Variants in MTSS2 observed in about 807,000 individuals in gnomAD.
The protein encoded by MTSS2 is protein MTSS 2.
Under a neutral mutation model 67.1 loss-of-function variants are expected in MTSS2, and 27 were observed. That is an observed-to-expected ratio of 0.40 (90% CI 0.30 to 0.55). MTSS2 has a LOEUF of 0.55. Among genes scored for constraint, MTSS2 ranks in the 20% least tolerant of loss-of-function variants. MTSS2 has a pLI of 0.43. For synonymous variants in MTSS2, 624 were observed against 468.6 expected, an observed-to-expected ratio of 1.33 and a Z score of -4.28; for missense variants, 1,171 against 1,067.8, an observed-to-expected ratio of 1.10 and a Z score of -1.35.
chr16:70,680,037 C>T lies in MTSS2; in HGVS notation c.224G>A (p.Gly75Asp). Residue 75 changes from glycine (G) to aspartate (D), a missense_variant, in exon 4 of 15, where the codon GGC (glycine) becomes GAC (aspartate). This residue lies in a region of MTSS2 where 247 missense variants were observed against 311.8 expected (regional missense o/e 0.79). Coordinates refer to ENST00000338779, the MANE Select transcript of MTSS2 (RefSeq NM_138383.3). Reference protein sequence around the residue: ...TNTRGATRDIGSALTRMCMRH... With the variant: ...TNTRGATRDIDSALTRMCMRH... ...CATGCACATGCGTGTGAGCGCCGAG[C>T]CGATGTCCCTCGTGGCCCCTGGCGA... 6.5e-7 allele frequency: 1 copy of T among 1,536,830 alleles called. No homozygotes were observed. Among genetic ancestry groups the T allele is most frequent in the Non-Finnish European group, 8.7e-7 (1 of 1,149,834 alleles).
intron 10 of MTSS2, 125 bp downstream of exon 10, chr16:70,676,756 G>A (rs180804236): frequency 2.5e-4 from 188 of 756,036 alleles, no homozygotes; most frequent in African/African-American, 4.3e-4. Context: ...CAAATTCCTC[G>A]GATGGTGTAA....
chr16:70,677,768 CCCTT>C lies in MTSS2; in HGVS notation c.732+20_732+23del. 1 of 1,582,766 alleles carries C rather than the reference CCCTT, an allele frequency of 6.3e-7. No homozygotes were observed. Among genetic ancestry groups the C allele is most frequent in the Non-Finnish European group, 8.6e-7 (1 of 1,161,966 alleles). On this transcript the variant is annotated intron_variant, in intron 9 of 14. Coordinates refer to ENST00000338779, the MANE Select transcript of MTSS2 (RefSeq NM_138383.3). The stretch of plus-strand genomic sequence containing the variant: ...ATCTCCTCCCTGCCCCTGGCCCTGG[CCCTT>C]GGCCAGAGGGCTCCCGCACCTGCTC...
chr16:70,676,302 G>A (rs1364951208), intron 10 of MTSS2, among the ~76,000 whole-genome samples: 1 of 152,264 alleles, frequency 6.6e-6, no homozygotes, highest in Admixed American at 6.5e-5. Flanking sequence ...CTCCCCAGCT[G>A]TGTGAGGCTC....
In MTSS2 at chr16:70,661,314, AGAG is replaced by A. The variant is rs2052456754; in HGVS notation, c.*2360_*2362del. ...GGATGGTGTGGAGGGGGCGGGGAGGAGAGGAGAATTTTTCCAAAATCTGACGGA... is the reference window on the plus strand; with the variant it reads ...GGATGGTGTGGAGGGGGCGGGGAGGAGAGAATTTTTCCAAAATCTGACGGA... On this transcript the variant is annotated 3_prime_UTR_variant, in exon 15 of 15. Coordinates refer to ENST00000338779, the MANE Select transcript of MTSS2 (RefSeq NM_138383.3). The A allele has an allele frequency of 4.5e-6, 2 of 442,248 alleles. No individual in the cohort carries two copies. The highest frequency in any genetic ancestry group is 8.9e-6 in the Non-Finnish European group (2 of 223,568). The allele number at this position is 442,248 out of a possible 1,614,324, so 27.4% of individuals were successfully genotyped here. A position where few individuals can be genotyped will look rare whatever the true frequency, so the allele number is the denominator to read the frequency against.
At chr16:70,676,315 G>A (rs1384983270) in intron 10 of MTSS2, among the ~76,000 whole-genome samples, 3 of 152,238 alleles carry the variant, frequency 2.0e-5, no homozygotes, top group East Asian at 1.9e-4. Flanking sequence ...TGAGGCTCCC[G>A]GGGCTAGCCT....
chr16:70,664,851 G>A (rs760854760), intron 13 of MTSS2, 69 bp downstream of exon 13: 64 of 1,513,616 alleles, frequency 4.2e-5, no homozygotes, highest in South Asian at 3.3e-4. Flanking sequence ...GGTTGGAGCC[G>A]GCCCTGAGGC....
At chr16:70,669,714 G>A (rs2124832) in intron 11 of MTSS2, among the ~76,000 whole-genome samples, 11,621 of 151,982 alleles carry the variant, frequency 0.076, 535 homozygotes, top group Non-Finnish European at 0.11. Flanking sequence ...CTACTCGGGA[G>A]GCTGAGGCAG....
At chr16:70,679,765 C>A in intron 5 of MTSS2, 21 bp downstream of exon 5, 1 of 1,610,494 alleles carries the variant, frequency 6.2e-7, no homozygotes. Context: ...GGTGGGAAGC[C>A]CGGCTCCGCG....
At chr16:70,673,398 C>CG (rs1219742908) in intron 11 of MTSS2, among the ~76,000 whole-genome samples, 2 of 152,104 alleles carry the variant, frequency 1.3e-5, no homozygotes, top group African/African-American at 4.8e-5. Flanking sequence ...CAGAACACAG[C>CG]GGAAAAATAC....
At position 70,685,878 on chromosome 16, in the gene MTSS2, T is replaced by G; in HGVS notation, c.-87A>C. ...GGAGGGGGCCAGGCCGCGCGGGCGC[T>G]CGCTCCGAGGCCGGGCCGGGCCTCC... On this transcript the variant is annotated 5_prime_UTR_variant, in exon 1 of 15. Transcript: ENST00000338779. 1 of 712,632 alleles carries G rather than the reference T, an allele frequency of 1.4e-6. No homozygotes were observed. The highest frequency in any genetic ancestry group is 1.7e-6 in the Non-Finnish European group (1 of 587,480). 44.1% of individuals were successfully genotyped at this position (712,632 alleles called of 1,614,324 possible). A position where few individuals can be genotyped will look rare whatever the true frequency, so the allele number is the denominator to read the frequency against.
chr16:70,665,221 A>C (rs980124245), intron 12 of MTSS2, 125 bp from the exon 13 acceptor site: 1 of 1,149,330 alleles, frequency 8.7e-7, no homozygotes, highest in African/African-American at 1.5e-5. Context: ...TCGCAATCAC[A>C]GCCAAGGGCA....
Position 70,663,871 on chromosome 16 carries a change from C to T in MTSS2, c.2050G>A (p.Gly684Ser), listed in dbSNP as rs571106340. The change falls in exon 15 of 15, where the codon GGT (glycine) becomes AGT (serine). Residue 684 changes from glycine (G) to serine (S), a missense_variant. By Grantham distance (56) the Gly-to-Ser change is moderately conservative (BLOSUM62 0). This residue lies in a region of MTSS2 where 924 missense variants were observed against 756.0 expected (regional missense o/e 1.22). Coordinates refer to ENST00000338779, the MANE Select transcript of MTSS2 (RefSeq NM_138383.3). ...TGGCCCTCACCCAGTGCGTGGGCAC[C>T]CGCCACCAGCTCCCCCAGCTTCTCC... Reference protein sequence around the residue: ...LVEKLGELVAGAHALGEGQFP... With the variant: ...LVEKLGELVASAHALGEGQFP... 23 of 1,544,382 alleles carry T rather than the reference C, an allele frequency of 1.5e-5. No homozygotes were observed. Among genetic ancestry groups the T allele is most frequent in the East Asian group, 1.5e-4 (6 of 40,984 alleles).
intron 1 of MTSS2, 58 bp from the exon 2 acceptor site, chr16:70,681,083 C>T: frequency 6.6e-6 from 10 of 1,504,966 alleles, no homozygotes; most frequent in Non-Finnish European, 9.0e-7. Flanking sequence ...AGGGCTTGAC[C>T]TGGGCCGGGC....
chr16:70,666,382 C>A (rs1408035011), intron 11 of MTSS2, among the ~76,000 whole-genome samples: 1 of 152,174 alleles, frequency 6.6e-6, no homozygotes. Flanking sequence ...TGCGAGGCCC[C>A]CCACTCCTAA....
At chr16:70,665,855 C>T (rs892394356) in intron 11 of MTSS2, 4 of 251,372 alleles carry the variant, frequency 1.6e-5, no homozygotes, top group African/African-American at 2.2e-5. Flanking sequence ...ATACTAAGGG[C>T]GGCAGCTGGG....
At position 70,685,820 on chromosome 16, in the gene MTSS2, G is replaced by A. The variant is rs1160019113; in HGVS notation, c.-29C>T. On this transcript the variant is annotated 5_prime_UTR_variant, in exon 1 of 15. Transcript: ENST00000338779. Reference sequence around the variant, plus strand: ...CTGGCTGGGCCGGGCCGCGGCGGCGGCTAGGCGCACGGAGCGCGGGGAGCA... The same window carrying A: ...CTGGCTGGGCCGGGCCGCGGCGGCGACTAGGCGCACGGAGCGCGGGGAGCA... 1 of 1,256,632 alleles carries A rather than the reference G, an allele frequency of 8.0e-7. No homozygotes were observed. 77.8% of individuals were successfully genotyped at this position (1,256,632 alleles called of 1,614,324 possible).
intron 11 of MTSS2, among the ~76,000 whole-genome samples, chr16:70,673,390 G>T (rs907359396): frequency 6.6e-6 from 1 of 152,170 alleles, no homozygotes; most frequent in Non-Finnish European, 1.5e-5. Context: ...GTGGAAGCCA[G>T]AACACAGCGG....
At position 70,680,968 on chromosome 16, in the gene MTSS2, G is replaced by C. The variant is rs1177831238; in HGVS notation, c.127C>G (p.Leu43Val). The change falls in exon 2 of 15, where the codon CTG becomes GTG. Residue 43 changes from leucine to valine, a missense_variant. Physicochemically the swap from Leu to Val is conservative, Grantham distance 32. Coordinates refer to ENST00000338779, the MANE Select transcript of MTSS2 (RefSeq NM_138383.3). ...GGGTGCCCTGGGCCACCTCACCTCA[G>C]CTGGGAATGCAGCTTCGTGGCCTTG... ...NSKATKLHSQLRTTVLAAVAF... is the reference protein window; with the variant it reads ...NSKATKLHSQVRTTVLAAVAF... 6.2e-7 allele frequency: 1 copy of C among 1,605,862 alleles called. No homozygotes were observed. Among genetic ancestry groups the C allele is most frequent in the Admixed American group, 1.7e-5 (1 of 58,662 alleles).
Position 70,679,316 on chromosome 16 carries a change from A to G in MTSS2, c.465T>C (p.Leu155=). The part of the protein sequence containing the change: ...KLQKKARKEL[L]GKGDLQPQLD... ...TGGAGGGACCGACATTTGACTTACC[A>G]AGTAGCTCTACAGGAAGGATGTGGG... Residue 155 remains leucine (L), a splice_region_variant and synonymous_variant, in exon 7 of 15, where the codon CTT becomes CTC. Transcript: ENST00000338779. 1.2e-6 allele frequency: 2 copies of G among 1,613,948 alleles called. No homozygotes were observed. The highest frequency in any genetic ancestry group is 1.7e-6 in the Non-Finnish European group (2 of 1,179,904).
Sources: allele counts gnomAD v4.1 joint callset (sites outside exome capture counted in the v4.1 genomes callset), GRCh38; gene constraint gnomAD v4.1.1; regional missense constraint gnomAD v4.1.1; transcripts MANE v1.5; gene names NCBI Gene and HGNC (gene_info 2026-07-23, HGNC 2026-07-21).